STX8: variants seen among roughly 807,000 people sequenced by gnomAD.
The protein encoded by STX8 is syntaxin-8.
Under a neutral mutation model 37.5 loss-of-function variants are expected in STX8, and 23 were observed. That is an observed-to-expected ratio of 0.61 (90% CI 0.44 to 0.87). The LOEUF is 0.87. Among genes scored for constraint, STX8 ranks in the 40% least tolerant of loss-of-function variants. STX8 has a pLI of 0.00. For missense variants in STX8, 313 were observed against 284.7 expected (o/e 1.10, Z -0.71); for synonymous variants, 115 against 99.1 (o/e 1.16, Z -0.95).
intron 5 of STX8, among the ~76,000 whole-genome samples, chr17:9,493,991 TTG>T (rs1290847409): frequency 3.2e-3 from 3 of 924 alleles, no homozygotes; most frequent in East Asian, 0.071. Context: ...TTCATATGTT[TTG>T]TTTTTTTTTG....
In STX8 at chr17:9,575,781, C is replaced by A. The variant is rs7224817; in HGVS notation, c.17+11G>T. The stretch of plus-strand genomic sequence containing the variant: ...TCCCTCCACGCACCGCCGCCCTCAC[C>A]CGGGACTCACCAGGGGTCCGGTGCC... On this transcript the variant is annotated intron_variant, in intron 1 of 7. Transcript: ENST00000306357. 1,133,771 of 1,543,716 alleles carry A rather than the reference C, an allele frequency of 0.73. 424,696 individuals carry two copies. The highest frequency in any genetic ancestry group is 0.99 in the East Asian group (40,569 of 40,852).
intron 6 of STX8, among the ~76,000 whole-genome samples, chr17:9,397,685 C>T (rs369973607): frequency 5.3e-5 from 8 of 152,100 alleles, no homozygotes; most frequent in African/African-American, 1.9e-4. Flanking sequence ...GATAAAAATA[C>T]ATGATTGAGG....
chr17:9,535,369 T>C (rs989636606), intron 4 of STX8, among the ~76,000 whole-genome samples: 3 of 151,256 alleles, frequency 2.0e-5, no homozygotes, highest in Non-Finnish European at 4.4e-5. Flanking sequence ...AGAAAATAAC[T>C]TGTGAAATGC....
At chr17:9,327,710 C>G (rs554062286) in intron 7 of STX8, among the ~76,000 whole-genome samples, 73 of 152,274 alleles carry the variant, frequency 4.8e-4, no homozygotes, top group African/African-American at 1.6e-3. Context: ...AAGTCTCACT[C>G]TGTCGCCCAA....
At chr17:9,414,991 A>G in intron 6 of STX8, among the ~76,000 whole-genome samples, 1 of 151,774 alleles carries the variant, frequency 6.6e-6, no homozygotes, top group East Asian at 1.9e-4. Flanking sequence ...GGGTTTCACC[A>G]TGTTGGCCAG....
At chr17:9,482,835 A>AC (rs1252126441) in intron 6 of STX8, among the ~76,000 whole-genome samples, 4 of 151,838 alleles carry the variant, frequency 2.6e-5, no homozygotes, top group African/African-American at 9.7e-5. Flanking sequence ...AATGGGTTGA[A>AC]CCCGGGAGGC....
chr17:9,408,266 T>C (rs1168756078), intron 6 of STX8, among the ~76,000 whole-genome samples: 1 of 152,122 alleles, frequency 6.6e-6, no homozygotes, highest in African/African-American at 2.4e-5. Context: ...TTGGACTCCA[T>C]TTGTGGCGGG....
At chr17:9,519,127 G>A (rs1234790329) in intron 4 of STX8, among the ~76,000 whole-genome samples, 1 of 152,062 alleles carries the variant, frequency 6.6e-6, no homozygotes, top group Non-Finnish European at 1.5e-5. Flanking sequence ...CCCCTTACCT[G>A]ATTGAAAATC....
intron 7 of STX8, among the ~76,000 whole-genome samples, chr17:9,294,543 A>C (rs1473653006): frequency 5.9e-5 from 9 of 152,348 alleles, no homozygotes; most frequent in Middle Eastern, 3.4e-3. Context: ...AACAAGGAGC[A>C]GACAGGAATC....
intron 6 of STX8, among the ~76,000 whole-genome samples, chr17:9,429,620 G>A (rs1268853716): frequency 2.2e-5 from 3 of 134,870 alleles, no homozygotes; most frequent in African/African-American, 8.3e-5. Flanking sequence ...GGAGAATGGC[G>A]TGAACCCAGG....
chr17:9,437,956 C>A (rs1904492728), intron 6 of STX8: 1 of 152,030 alleles, frequency 6.6e-6, no homozygotes, highest in African/African-American at 2.4e-5. Context: ...TATAAAAAGC[C>A]CATTTCTCGC....
At chr17:9,436,240 G>A (rs1027994318) in intron 6 of STX8, among the ~76,000 whole-genome samples, 1 of 151,902 alleles carries the variant, frequency 6.6e-6, no homozygotes, top group African/African-American at 2.4e-5. Flanking sequence ...AGCTACTTGG[G>A]GGGCTGAGGC....
chr17:9,256,602 C>T (rs1454207642), intron 7 of STX8, among the ~76,000 whole-genome samples: 1 of 152,186 alleles, frequency 6.6e-6, no homozygotes, highest in African/African-American at 2.4e-5. Context: ...AGGTCATCTA[C>T]AAATATTTCA....
intron 3 of STX8, among the ~76,000 whole-genome samples, chr17:9,545,789 C>T (rs765303876): frequency 2.2e-4 from 33 of 152,316 alleles, no homozygotes; most frequent in Middle Eastern, 3.4e-3. Context: ...CCATGCTGGC[C>T]AGGCTGGTCT....
chr17:9,487,017 G>T (rs762808218), intron 6 of STX8, among the ~76,000 whole-genome samples: 1 of 152,120 alleles, frequency 6.6e-6, no homozygotes, highest in Non-Finnish European at 1.5e-5. Flanking sequence ...CTAGTCAGTG[G>T]CCATTAGGGT....
rs546626631 is a variant in STX8 at position 9,335,425 on chromosome 17, C to T, written c.643+43127G>A. Among the ~76,000 whole-genome samples, 15 of 152,308 alleles carry T rather than the reference C, an allele frequency of 9.8e-5. No homozygotes were observed. The South Asian group carries it at 1.2e-3, about 13-fold the overall frequency. On this transcript the variant is annotated intron_variant, in intron 7 of 7. Transcript: ENST00000306357. ...CAGCACTAATCCACTGATGAGGGCA[C>T]GGCCCTCATGATCTAATCACCTCTT...
intron 3 of STX8, among the ~76,000 whole-genome samples, chr17:9,551,029 C>T (rs1392812072): frequency 2.0e-5 from 3 of 152,074 alleles, no homozygotes; most frequent in African/African-American, 7.2e-5. Flanking sequence ...GAGCTGAGAT[C>T]GCACCATTGT....
intron 7 of STX8, among the ~76,000 whole-genome samples, chr17:9,316,359 G>A (rs1909382308): frequency 6.6e-6 from 1 of 152,074 alleles, no homozygotes; most frequent in African/African-American, 2.4e-5. Context: ...GGGGAACAGA[G>A]GAAGCAACTG....
At chr17:9,402,165 G>A (rs1912648145) in intron 6 of STX8, among the ~76,000 whole-genome samples, 1 of 151,912 alleles carries the variant, frequency 6.6e-6, no homozygotes, top group African/African-American at 2.4e-5. Context: ...TGTTCCCCAG[G>A]CTGGAGTGCA....
Sources: gnomAD v4.1 joint callset for allele counts (sites outside exome capture counted in the v4.1 genomes callset) on GRCh38, gnomAD v4.1.1 for gene constraint, MANE v1.5 for transcripts, NCBI Gene and HGNC (gene_info 2026-07-23, HGNC 2026-07-21) for gene names.